ARFGEF1: variants seen among roughly 807,000 people sequenced by gnomAD.
ARFGEF1 encodes brefeldin A-inhibited guanine nucleotide-exchange protein 1.
ARFGEF1 carries 42 observed loss-of-function variants against 231.0 expected under a neutral mutation model. The ratio of observed to expected loss-of-function variants is 0.18; its 90% confidence interval spans 0.14 to 0.24. ARFGEF1 has a LOEUF of 0.24. Ranked by LOEUF, ARFGEF1 falls within the 10% of genes least tolerant of loss-of-function variation. The pLI is 1.00. For synonymous variants in ARFGEF1, 710 were observed against 732.3 expected (o/e 0.97, Z 0.49); for missense variants, 1,345 against 2,192.0 (o/e 0.61, Z 7.72).
At chr8:67,262,845 A>G (rs75101635) in intron 14 of ARFGEF1, among the ~76,000 whole-genome samples, 4,182 of 152,344 alleles carry the variant, frequency 0.027, 86 homozygotes, top group Middle Eastern at 0.051. Context: ...TAAGGGGGTT[A>G]TAGGTTAATA....
At chr8:67,226,462 T>C (rs1839375230) in intron 27 of ARFGEF1, among the ~76,000 whole-genome samples, 1 of 152,130 alleles carries the variant, frequency 6.6e-6, no homozygotes, top group South Asian at 2.1e-4. Context: ...TGAATGAATA[T>C]ACAAAATTAC....
chr8:67,304,841 A>G (rs878966537), intron 1 of ARFGEF1, among the ~76,000 whole-genome samples: 2 of 152,196 alleles, frequency 1.3e-5, no homozygotes, highest in Admixed American at 1.3e-4. Context: ...AATAAAATAA[A>G]TGTATGGATA....
chr8:67,232,244 T>G (rs536250888), intron 23 of ARFGEF1, among the ~76,000 whole-genome samples: 4 of 152,172 alleles, frequency 2.6e-5, no homozygotes, highest in Admixed American at 2.0e-4. Flanking sequence ...GTTTCACTTT[T>G]GGGGGCATTT....
chr8:67,307,973 C>G (rs1442145481), intron 1 of ARFGEF1, among the ~76,000 whole-genome samples: 3 of 152,320 alleles, frequency 2.0e-5, no homozygotes, highest in South Asian at 2.1e-4. Context: ...CCAGGCACCC[C>G]CTCTTGGAGC....
chr8:67,302,335 G>A, intron 2 of ARFGEF1, 101 bp downstream of exon 2: 1 of 722,466 alleles, frequency 1.4e-6, no homozygotes, highest in Non-Finnish European at 2.1e-6. Flanking sequence ...AAACTCACAT[G>A]CAGAGAATTT....
intron 1 of ARFGEF1, among the ~76,000 whole-genome samples, chr8:67,324,810 A>T (rs978415818): frequency 6.6e-6 from 1 of 152,190 alleles, no homozygotes; most frequent in African/African-American, 2.4e-5. Flanking sequence ...ACTAAAAAGT[A>T]TTTACATTAG....
chr8:67,198,525 C>A lies in ARFGEF1; in HGVS notation c.*409G>T. On this transcript the variant is annotated 3_prime_UTR_variant, in exon 39 of 39. Transcript: ENST00000262215. ...TGAACAATAATTTCTTCTTCTCTCC[C>A]CACTCCCCAATTATAAACATTTTAT... The A allele has an allele frequency of 1.0e-6, 1 of 991,080 alleles. No individual in the cohort carries two copies. The highest frequency in any genetic ancestry group is 1.2e-6 in the Non-Finnish European group (1 of 833,780). 61.4% of individuals were successfully genotyped at this position (991,080 alleles called of 1,614,324 possible).
At chr8:67,297,173 T>C (rs1806273168) in intron 4 of ARFGEF1, among the ~76,000 whole-genome samples, 1 of 152,182 alleles carries the variant, frequency 6.6e-6, no homozygotes, top group African/African-American at 2.4e-5. Context: ...TCAACCAAGG[T>C]TTCATTTTAA....
chr8:67,226,836 G>A (rs1839391852), intron 27 of ARFGEF1, among the ~76,000 whole-genome samples: 1 of 152,026 alleles, frequency 6.6e-6, no homozygotes, highest in South Asian at 2.1e-4. Context: ...TACATAGACT[G>A]CTTAACCTTT....
chr8:67,228,540 G>A (rs760038450), intron 23 of ARFGEF1, among the ~76,000 whole-genome samples: 28 of 151,952 alleles, frequency 1.8e-4, no homozygotes, highest in African/African-American at 3.1e-4. Context: ...TACAAACCCC[G>A]GATAGATATG....
rs1444786580 is a variant in ARFGEF1 at position 67,242,384 on chromosome 8, AG to A, written c.2851-2095del. Among the ~76,000 whole-genome samples, 10 of 152,330 alleles carry A rather than the reference AG, an allele frequency of 6.6e-5. No homozygotes were observed. The East Asian group carries it at 1.7e-3, about 27-fold the overall frequency. On this transcript the variant is annotated intron_variant, in intron 19 of 38. Transcript: ENST00000262215. ...AAAACCAGCTCAGCCACAGCAGGAC[AG>A]GGCACCAGGCAGAGGTGTGAGGCCT...
chr8:67,228,461 C>T (rs1839450877), intron 23 of ARFGEF1, among the ~76,000 whole-genome samples, 197 bp from the exon 24 acceptor site: 1 of 151,858 alleles, frequency 6.6e-6, no homozygotes, highest in African/African-American at 2.4e-5. Flanking sequence ...CACCTCTACT[C>T]CATGTGAACC....
intron 38 of ARFGEF1, 61 bp from the exon 39 acceptor site, chr8:67,199,159 C>CT: frequency 6.4e-7 from 1 of 1,563,844 alleles, no homozygotes; most frequent in South Asian, 1.2e-5. Flanking sequence ...CTTAAACTGC[C>CT]TAGAGTCAAA....
intron 5 of ARFGEF1, among the ~76,000 whole-genome samples, chr8:67,184,788 C>G (rs1834021797): frequency 7.0e-6 from 1 of 142,512 alleles, no homozygotes; most frequent in Non-Finnish European, 1.5e-5. Flanking sequence ...GGGCATATCA[C>G]TACAGGTCCC....
chr8:67,334,031 G>A (rs1008317693), intron 1 of ARFGEF1, among the ~76,000 whole-genome samples: 1 of 151,456 alleles, frequency 6.6e-6, no homozygotes, highest in Non-Finnish European at 1.5e-5. Context: ...AGCTACTTGG[G>A]AGGCTGAGAC....
intron 34 of ARFGEF1, among the ~76,000 whole-genome samples, chr8:67,206,525 A>T (rs1414990791): frequency 6.6e-6 from 1 of 152,026 alleles, no homozygotes; most frequent in Non-Finnish European, 1.5e-5. Flanking sequence ...ACACAGTCAC[A>T]TCCCTCTATC....
At chr8:67,314,079 C>A (rs1437364923) in intron 1 of ARFGEF1, among the ~76,000 whole-genome samples, 2 of 152,112 alleles carry the variant, frequency 1.3e-5, no homozygotes, top group Admixed American at 1.3e-4. Context: ...TCACCCAGCT[C>A]CCATGAAAAC....
chr8:67,264,091 A>G (rs1336675909), intron 14 of ARFGEF1, among the ~76,000 whole-genome samples: 2 of 152,146 alleles, frequency 1.3e-5, no homozygotes, highest in African/African-American at 2.4e-5. Flanking sequence ...AGGTATTATC[A>G]TACCTTCAAA....
rs1333737397 is a variant in ARFGEF1, at chr8:67,266,997, TCAAAAA to T, written c.1813-19_1813-14del. Reference sequence around the variant, plus strand: ...TCAGGCTCAATTCCTACAAAGTAATTCAAAAACAAAATTTTTTTTAAAGGTCTTTTA... The same window carrying T: ...TCAGGCTCAATTCCTACAAAGTAATTCAAAATTTTTTTTAAAGGTCTTTTA... On this transcript the variant is annotated splice_polypyrimidine_tract_variant and intron_variant, in intron 12 of 38. Transcript: ENST00000262215. 1 of 1,609,406 alleles carries T rather than the reference TCAAAAA, an allele frequency of 6.2e-7. No homozygotes were observed. Among genetic ancestry groups the T allele is most frequent in the African/African-American group, 1.3e-5 (1 of 74,564 alleles).
Sources: allele counts gnomAD v4.1 joint callset (sites outside exome capture counted in the v4.1 genomes callset), GRCh38; gene constraint gnomAD v4.1.1; transcripts MANE v1.5; gene names NCBI Gene and HGNC (gene_info 2026-07-23, HGNC 2026-07-21).